The following FBXL17 variants were observed in gnomAD, a reference collection of about 807,000 sequenced individuals.
FBXL17 encodes F-box/LRR-repeat protein 17.
FBXL17 carries 22 observed loss-of-function variants against 66.2 expected under a neutral mutation model. The ratio of observed to expected loss-of-function variants is 0.33; its 90% CI spans 0.24 to 0.47. FBXL17 has a LOEUF of 0.47. Ranked by LOEUF, FBXL17 falls within the 20% of genes least tolerant of loss-of-function variation. The probability of loss-of-function intolerance (pLI) is 1.00; values close to 1 mark genes in which losing one functional copy is unlikely to be tolerated. For missense variants in FBXL17, 878 were observed against 948.2 expected, an observed-to-expected ratio of 0.93 and a Z score of 0.97; for synonymous variants, 474 against 400.5, an observed-to-expected ratio of 1.18 and a Z score of -2.19.
intron 7 of FBXL17, among the ~76,000 whole-genome samples, chr5:107,908,712 T>C (rs889283015): frequency 6.6e-6 from 1 of 152,128 alleles, no homozygotes; most frequent in Non-Finnish European, 1.5e-5. Context: ...CAAAGGCCCT[T>C]GGGTGGGAAT....
chr5:108,367,710 T>G (rs564929327), intron 2 of FBXL17, 121 bp downstream of exon 2: 3 of 814,262 alleles, frequency 3.7e-6, no homozygotes, highest in Non-Finnish European at 5.3e-6. Flanking sequence ...AAGCACAAAA[T>G]TGTAGATTAC....
intron 6 of FBXL17, among the ~76,000 whole-genome samples, chr5:108,184,929 C>A (rs919772880): frequency 5.9e-5 from 9 of 151,938 alleles, no homozygotes; most frequent in Non-Finnish European, 8.8e-5. Context: ...AAACAAAATT[C>A]TTGGAAACTT....
At chr5:107,967,894 A>C (rs138750506) in intron 7 of FBXL17, among the ~76,000 whole-genome samples, 116 of 152,168 alleles carry the variant, frequency 7.6e-4, no homozygotes, top group Non-Finnish European at 1.3e-3. Flanking sequence ...GGGACAAATA[A>C]TTTTATCTAA....
At chr5:108,362,991 A>G (rs1283799629) in intron 3 of FBXL17, among the ~76,000 whole-genome samples, 10 of 152,054 alleles carry the variant, frequency 6.6e-5, no homozygotes, top group Admixed American at 5.9e-4. Context: ...TGAGTTCAAG[A>G]AAAAATAACA....
chr5:108,218,946 T>C (rs1754729342), intron 5 of FBXL17, among the ~76,000 whole-genome samples: 1 of 152,204 alleles, frequency 6.6e-6, no homozygotes, highest in Admixed American at 6.5e-5. Context: ...TTTCCTAGCT[T>C]TGATTTATTT....
At chr5:108,326,865 G>C (rs1021507835) in intron 4 of FBXL17, among the ~76,000 whole-genome samples, 1 of 152,076 alleles carries the variant, frequency 6.6e-6, no homozygotes, top group African/African-American at 2.4e-5. Flanking sequence ...CTCAAACATT[G>C]CTAGCAGGAG....
intron 3 of FBXL17, among the ~76,000 whole-genome samples, chr5:108,356,685 G>C (rs1423223842): frequency 6.6e-6 from 1 of 151,936 alleles, no homozygotes; most frequent in East Asian, 1.9e-4. Context: ...CGAATAAATA[G>C]GCAGAATACA....
At chr5:108,368,003 C>A in intron 1 of FBXL17, 50 bp from the exon 2 acceptor site, 1 of 1,492,782 alleles carries the variant, frequency 6.7e-7, no homozygotes. Context: ...ATTTTCAAGG[C>A]ACAGGAAAAG....
At chr5:108,215,729 T>C (rs1487782901) in intron 5 of FBXL17, among the ~76,000 whole-genome samples, 1 of 152,198 alleles carries the variant, frequency 6.6e-6, no homozygotes, top group Non-Finnish European at 1.5e-5. Context: ...CTTTTTTTTC[T>C]TCTGTTGCTC....
chr5:107,947,638 A>G (rs1245483137), intron 7 of FBXL17, among the ~76,000 whole-genome samples: 1 of 152,164 alleles, frequency 6.6e-6, no homozygotes, highest in Non-Finnish European at 1.5e-5. Context: ...CTTAACTTGT[A>G]ATTTTGTTTC....
intron 6 of FBXL17, among the ~76,000 whole-genome samples, chr5:108,046,242 T>G (rs982608371): frequency 6.6e-6 from 1 of 152,226 alleles, no homozygotes; most frequent in Non-Finnish European, 1.5e-5. Flanking sequence ...TAAAATATAC[T>G]TTATCTGATG....
At position 108,380,831 on chromosome 5, in the gene FBXL17, C is replaced by G. The variant is rs1265739910; in HGVS notation, c.861G>C (p.Leu287Phe). 2 of 1,247,722 alleles carry G rather than the reference C, an allele frequency of 1.6e-6. No homozygotes were observed. Among genetic ancestry groups the G allele is most frequent in the Non-Finnish European group, 2.0e-6 (2 of 988,196 alleles). The allele number at this position is 1,247,722 out of a possible 1,614,324, so 77.3% of individuals were successfully genotyped here. ...CACATTCATGCTGCTGCTGGGCGGA[C>G]AAGGGGGCGGTGCCCCCGGCTCGGA... is the stretch of plus-strand genomic sequence containing the variant. Reference protein sequence around the residue: ...DAVRAGGTAPLSAQQQHECGD... With the variant: ...DAVRAGGTAPFSAQQQHECGD... The change falls in exon 1 of 9, where the codon TTG becomes TTC. Residue 287 changes from leucine to phenylalanine, a missense_variant. Physicochemically the swap from Leu to Phe is conservative, Grantham distance 22. This residue lies in a region of FBXL17 where 605 missense variants were observed against 509.5 expected (regional missense o/e 1.19). Transcript: ENST00000542267.
At chr5:108,376,755 G>A (rs1749450792) in intron 1 of FBXL17, among the ~76,000 whole-genome samples, 1 of 150,780 alleles carries the variant, frequency 6.6e-6, no homozygotes, top group Non-Finnish European at 1.5e-5. Context: ...TTAAAAACTG[G>A]ACATTTTGGA....
chr5:108,288,069 CA>C (rs1466860382), intron 4 of FBXL17, among the ~76,000 whole-genome samples: 1 of 151,858 alleles, frequency 6.6e-6, no homozygotes, highest in Non-Finnish European at 1.5e-5. Flanking sequence ...CCACTGAGTA[CA>C]TATGAACATT....
intron 6 of FBXL17, among the ~76,000 whole-genome samples, chr5:108,128,824 T>C (rs942132291): frequency 2.0e-5 from 3 of 152,128 alleles, no homozygotes; most frequent in East Asian, 1.9e-4. Context: ...GGAAATATAC[T>C]GTAAGGAAAA....
At chr5:108,166,576 T>C (rs1226283775) in intron 6 of FBXL17, among the ~76,000 whole-genome samples, 1 of 152,182 alleles carries the variant, frequency 6.6e-6, no homozygotes, top group African/African-American at 2.4e-5. Context: ...GAGTGTGATT[T>C]GATATGTTAA....
At chr5:108,328,930 C>T (rs902392513) in intron 4 of FBXL17, among the ~76,000 whole-genome samples, 7 of 151,984 alleles carry the variant, frequency 4.6e-5, no homozygotes, top group African/African-American at 1.7e-4. Flanking sequence ...ATTCTTATGC[C>T]ATAAATGAGA....
intron 5 of FBXL17, among the ~76,000 whole-genome samples, chr5:108,197,814 CT>C (rs1180659872): frequency 1.3e-5 from 2 of 151,972 alleles, no homozygotes; most frequent in Non-Finnish European, 2.9e-5. Context: ...AATAAAATAT[CT>C]TTTTTTTCCT....
In FBXL17 at chr5:108,381,644, C is replaced by G; in HGVS notation, c.48G>C (p.Lys16Asn). 3 of 1,486,068 alleles carry G rather than the reference C, an allele frequency of 2.0e-6. No homozygotes were observed. The highest frequency in any genetic ancestry group is 5.9e-5 in the East Asian group (2 of 33,972). The allele number at this position is 1,486,068 out of a possible 1,614,324, so 92.1% of individuals were successfully genotyped here. Reference protein sequence around the residue: ...SKEPRNRPSQKRPRCCSWCRR... With the variant: ...SKEPRNRPSQNRPRCCSWCRR... ...GGCACCAACTGCAACAGCGAGGCCT[C>G]TTCTGGCTCGGGCGGTTACGCGGCT... The change falls in exon 1 of 9, where the codon AAG becomes AAC. Residue 16 changes from lysine (K) to asparagine (N), a missense_variant. Lys to Asn is a moderately conservative substitution (Grantham distance 94). Transcript: ENST00000542267.
Sources: gnomAD v4.1 joint callset for allele counts (sites outside exome capture counted in the v4.1 genomes callset) on GRCh38, gnomAD v4.1.1 for gene constraint, gnomAD v4.1.1 regional missense constraint, MANE v1.5 for transcripts, NCBI Gene and HGNC (gene_info 2026-07-23, HGNC 2026-07-21) for gene names.